The following STPG2 variants were observed in gnomAD, a reference collection of about 807,000 sequenced individuals.
The protein encoded by STPG2 is sperm tail PG-rich repeat containing 2.
STPG2 carries 56 observed loss-of-function variants against 54.2 expected under a neutral mutation model. That is an observed-to-expected ratio of 1.03 (90% CI 0.83 to 1.29). STPG2 has a LOEUF of 1.29. Among genes scored for constraint, STPG2 ranks in the 50% most tolerant of loss-of-function variants. The probability of loss-of-function intolerance (pLI) is 0.00; values close to 1 mark genes in which losing one functional copy is unlikely to be tolerated. For missense variants in STPG2, 596 were observed against 544.9 expected, an observed-to-expected ratio of 1.09 and a Z score of -0.93; for synonymous variants, 200 against 181.8, an observed-to-expected ratio of 1.10 and a Z score of -0.81.
intron 5 of STPG2, among the ~76,000 whole-genome samples, chr4:98,004,216 T>C (rs1425451397): frequency 6.6e-6 from 1 of 152,204 alleles, no homozygotes; most frequent in Non-Finnish European, 1.5e-5. Flanking sequence ...AACTTTTTAA[T>C]ATTTCACGTA....
chr4:97,599,717 G>C (rs1733405054), intron 10 of STPG2, among the ~76,000 whole-genome samples: 1 of 151,666 alleles, frequency 6.6e-6, no homozygotes, highest in Non-Finnish European at 1.5e-5. Context: ...CCAGCTACTC[G>C]GGAGGCTGAG....
intron 8 of STPG2, among the ~76,000 whole-genome samples, chr4:97,871,143 A>G (rs1349740505): frequency 5.3e-5 from 8 of 150,988 alleles, no homozygotes; most frequent in Non-Finnish European, 1.2e-4. Flanking sequence ...CTACCTTATA[A>G]TGTATGGAAT....
At chr4:97,858,889 C>G (rs1390366277) in intron 8 of STPG2, among the ~76,000 whole-genome samples, 5 of 152,080 alleles carry the variant, frequency 3.3e-5, no homozygotes, top group Non-Finnish European at 5.9e-5. Context: ...CACATAACAA[C>G]TTATTTCCTC....
chr4:97,445,016 G>A (rs1729184806), intron 4 of STPG2, among the ~76,000 whole-genome samples: 1 of 152,096 alleles, frequency 6.6e-6, no homozygotes, highest in Admixed American at 6.6e-5. Flanking sequence ...CAGCCTGGGT[G>A]ACAGAGCAAG....
At chr4:97,936,052 C>G (rs1337670256) in intron 8 of STPG2, among the ~76,000 whole-genome samples, 1 of 152,152 alleles carries the variant, frequency 6.6e-6, no homozygotes, top group Non-Finnish European at 1.5e-5. Context: ...CTTTATGAAT[C>G]TGGGTGCTCC....
Position 98,080,382 on chromosome 4 carries a change from C to T in STPG2, c.612+25571G>A, listed in dbSNP as rs540119003. Among the ~76,000 whole-genome samples the T allele has an allele frequency of 7.1e-4, 108 of 152,214 alleles. 2 individuals carry two copies. Among genetic ancestry groups the T allele is most frequent in the African/African-American group, 2.4e-3 (100 of 41,518 alleles). Reference sequence around the variant, plus strand: ...GAGCTAGGACTACAGGCATGCCTCACCACATCTGGCCAGTTTCACTTTCTA... The same window carrying T: ...GAGCTAGGACTACAGGCATGCCTCATCACATCTGGCCAGTTTCACTTTCTA... On this transcript the variant is annotated intron_variant, in intron 5 of 10. Coordinates refer to ENST00000295268, the MANE Select transcript of STPG2 (RefSeq NM_174952.3).
chr4:98,103,628 CAAAACTCCATCTCAAA>C (rs1739108664), intron 5 of STPG2, among the ~76,000 whole-genome samples: 1 of 146,164 alleles, frequency 6.8e-6, no homozygotes, highest in African/African-American at 2.7e-5. Context: ...GCAAGAAAAG[CAAAACTCCATCTCAAA>C]AAAATAAAAT....
chr4:97,964,231 G>A (rs1734004110), intron 7 of STPG2, among the ~76,000 whole-genome samples: 1 of 152,252 alleles, frequency 6.6e-6, no homozygotes, highest in Admixed American at 6.5e-5. Context: ...GTCTTACTGG[G>A]GACAAGGCAG....
intron 8 of STPG2, among the ~76,000 whole-genome samples, chr4:97,918,602 C>T (rs978431175): frequency 6.6e-6 from 1 of 151,798 alleles, no homozygotes; most frequent in Non-Finnish European, 1.5e-5. Flanking sequence ...TATATACACA[C>T]ACACATACAC....
intron 5 of STPG2, among the ~76,000 whole-genome samples, chr4:98,035,925 A>G (rs1228464905): frequency 2.6e-5 from 4 of 151,966 alleles, no homozygotes; most frequent in Non-Finnish European, 5.9e-5. Context: ...GGAGGGGAAC[A>G]TCACACACCA....
intron 7 of STPG2, among the ~76,000 whole-genome samples, chr4:97,954,369 T>G (rs1230466504): frequency 5.3e-5 from 8 of 152,158 alleles, no homozygotes. Flanking sequence ...AGTAAAAATT[T>G]GAGATTAGCC....
intron 4 of STPG2, among the ~76,000 whole-genome samples, chr4:97,536,942 G>A (rs75123521): frequency 1.2e-3 from 185 of 152,188 alleles, no homozygotes; most frequent in African/African-American, 4.1e-3. Flanking sequence ...CATAATCATC[G>A]GTTTCTAGCC....
At chr4:98,070,071 A>C (rs1477235935) in intron 5 of STPG2, among the ~76,000 whole-genome samples, 1 of 152,108 alleles carries the variant, frequency 6.6e-6, no homozygotes, top group Non-Finnish European at 1.5e-5. Flanking sequence ...AACCTGGCAG[A>C]GATGTAACAC....
chr4:97,930,031 T>C (rs1463455537), intron 8 of STPG2, among the ~76,000 whole-genome samples: 1 of 152,092 alleles, frequency 6.6e-6, no homozygotes, highest in African/African-American at 2.4e-5. Context: ...TCCCGATACC[T>C]GGGACTACAG....
intron 5 of STPG2, among the ~76,000 whole-genome samples, chr4:97,985,859 T>C (rs1734811079): frequency 6.6e-6 from 1 of 152,172 alleles, no homozygotes; most frequent in African/African-American, 2.4e-5. Flanking sequence ...GAGATTTTAT[T>C]TGTAAAAATC....
chr4:97,599,302 G>C (rs981070875), intron 10 of STPG2, among the ~76,000 whole-genome samples: 4 of 152,164 alleles, frequency 2.6e-5, no homozygotes, highest in African/African-American at 9.7e-5. Flanking sequence ...GGTGGGAATG[G>C]AAATTAGTTA....
intron 5 of STPG2, among the ~76,000 whole-genome samples, chr4:98,032,662 G>A (rs13111977): frequency 0.39 from 59,937 of 151,780 alleles, 12,050 homozygotes; most frequent in Middle Eastern, 0.46. Flanking sequence ...ACCACATCGT[G>A]CTTATTCTAA....
chr4:97,628,233 G>T (rs934566000), intron 10 of STPG2, among the ~76,000 whole-genome samples: 4 of 152,074 alleles, frequency 2.6e-5, no homozygotes, highest in African/African-American at 9.7e-5. Flanking sequence ...CCTGATATTA[G>T]CAGGATTATC....
intron 10 of STPG2, among the ~76,000 whole-genome samples, chr4:97,636,372 G>A (rs1450791519): frequency 7.4e-6 from 1 of 135,860 alleles, no homozygotes; most frequent in Non-Finnish European, 1.6e-5. Context: ...AGCATTAAAT[G>A]CCCACAAGAG....
Sources: gnomAD v4.1 joint callset for allele counts (sites outside exome capture counted in the v4.1 genomes callset) on GRCh38, gnomAD v4.1.1 for gene constraint, MANE v1.5 for transcripts, NCBI Gene and HGNC (gene_info 2026-07-23, HGNC 2026-07-21) for gene names.